SORCS3: variants seen among roughly 807,000 people sequenced by gnomAD.
SORCS3 encodes the protein VPS10 domain-containing receptor SorCS3.
In SORCS3, 57 loss-of-function variants were observed where a neutral mutation model predicts 146.3. The observed-to-expected ratio is 0.39, with a 90% confidence interval of 0.31 to 0.49. SORCS3 has a LOEUF of 0.49. Among genes scored for constraint, SORCS3 ranks in the 20% least tolerant of loss-of-function variants. The pLI is 0.92. For synonymous variants in SORCS3, 653 were observed against 618.5 expected (o/e 1.06, Z -0.83); for missense variants, 1,341 against 1,575.5 (o/e 0.85, Z 2.52).
intron 5 of SORCS3, among the ~76,000 whole-genome samples, chr10:105,073,046 T>C (rs989171930): frequency 2.6e-5 from 4 of 152,152 alleles, no homozygotes; most frequent in African/African-American, 9.7e-5. Context: ...TATTGGGTAG[T>C]GGGGCCAGGA....
At chr10:105,157,979 T>C (rs2056226666) in intron 10 of SORCS3, among the ~76,000 whole-genome samples, 1 of 152,260 alleles carries the variant, frequency 6.6e-6, no homozygotes, top group African/African-American at 2.4e-5. Context: ...GAAAGATTTA[T>C]TAACCACTTA....
At chr10:104,798,868 A>C (rs908548881) in intron 1 of SORCS3, among the ~76,000 whole-genome samples, 5 of 152,204 alleles carry the variant, frequency 3.3e-5, no homozygotes, top group Non-Finnish European at 5.9e-5. Flanking sequence ...AAACAACCCC[A>C]TTAAAAAATG....
At chr10:105,028,866 G>A (rs2055247072) in intron 4 of SORCS3, among the ~76,000 whole-genome samples, 1 of 152,166 alleles carries the variant, frequency 6.6e-6, no homozygotes, top group Non-Finnish European at 1.5e-5. Context: ...TCCACTGTCA[G>A]CAGCCCTTAA....
At chr10:105,066,059 A>G (rs1288090867) in intron 5 of SORCS3, among the ~76,000 whole-genome samples, 1 of 152,214 alleles carries the variant, frequency 6.6e-6, no homozygotes, top group East Asian at 1.9e-4. Flanking sequence ...AACTGCTGTT[A>G]TGGATGGTCC....
intron 5 of SORCS3, among the ~76,000 whole-genome samples, chr10:105,085,751 GGTCT>G (rs1319977705): frequency 2.6e-5 from 4 of 152,064 alleles, no homozygotes; most frequent in African/African-American, 7.2e-5. Flanking sequence ...TGTGTCTAGT[GGTCT>G]GTCTGTCTCT....
intron 4 of SORCS3, among the ~76,000 whole-genome samples, chr10:105,022,184 A>G (rs1352134414): frequency 6.6e-6 from 1 of 152,178 alleles, no homozygotes; most frequent in Non-Finnish European, 1.5e-5. Context: ...CCCTAATGCA[A>G]ACTATAGACT....
At chr10:104,928,530 A>T (rs17117962) in intron 3 of SORCS3, among the ~76,000 whole-genome samples, 42,623 of 151,078 alleles carry the variant, frequency 0.28, 7,827 homozygotes, top group African/African-American at 0.53. Context: ...AAATGACTCG[A>T]TTTTTTTTTC....
intron 2 of SORCS3, among the ~76,000 whole-genome samples, chr10:104,871,205 T>C (rs1204842217): frequency 6.6e-6 from 1 of 152,128 alleles, no homozygotes; most frequent in Non-Finnish European, 1.5e-5. Flanking sequence ...AGGTGAGTAT[T>C]TGAACTATAT....
chr10:105,039,375 A>T (rs1307044913), intron 4 of SORCS3, among the ~76,000 whole-genome samples: 1 of 152,076 alleles, frequency 6.6e-6, no homozygotes, highest in Non-Finnish European at 1.5e-5. Context: ...AGAGCTGAAA[A>T]AGCAAAACCA....
At chr10:105,028,130 T>C (rs2055242888) in intron 4 of SORCS3, among the ~76,000 whole-genome samples, 2 of 152,194 alleles carry the variant, frequency 1.3e-5, no homozygotes, top group African/African-American at 4.8e-5. Context: ...GTGTATTTGC[T>C]TACTTACGTA....
chr10:104,752,196 T>G (rs2496038), intron 1 of SORCS3, among the ~76,000 whole-genome samples: 120,303 of 150,874 alleles, frequency 0.8, 48,254 homozygotes, highest in East Asian at 0.94. Flanking sequence ...CACCATGCTG[T>G]CTATTTTTTT....
intron 3 of SORCS3, among the ~76,000 whole-genome samples, chr10:104,917,864 T>C (rs2019048637): frequency 6.6e-6 from 1 of 152,236 alleles, no homozygotes; most frequent in Admixed American, 6.5e-5. Flanking sequence ...ACGTACCACA[T>C]TTTCTTCATT....
intron 6 of SORCS3, among the ~76,000 whole-genome samples, chr10:105,103,938 T>A (rs1428755975): frequency 1.3e-5 from 2 of 152,202 alleles, no homozygotes; most frequent in Admixed American, 1.3e-4. Context: ...GGAAAATCTC[T>A]AATTCACTGC....
At chr10:104,683,168 A>G (rs183522084) in intron 1 of SORCS3, among the ~76,000 whole-genome samples, 68 of 152,310 alleles carry the variant, frequency 4.5e-4, no homozygotes, top group African/African-American at 1.4e-3. Context: ...TCAAGGTAAC[A>G]TTGGACCTGG....
intron 1 of SORCS3, among the ~76,000 whole-genome samples, chr10:104,773,132 G>T (rs1175906393): frequency 6.6e-6 from 1 of 152,214 alleles, no homozygotes; most frequent in Non-Finnish European, 1.5e-5. Flanking sequence ...CAGGGGAGCA[G>T]CACACATGTG....
chr10:104,949,134 C>G (rs17118031), intron 3 of SORCS3, among the ~76,000 whole-genome samples: 20,212 of 151,930 alleles, frequency 0.13, 1,510 homozygotes, highest in South Asian at 0.31. Flanking sequence ...TCAATAGGTC[C>G]CATCAGCACA....
chr10:104,897,082 G>A (rs2018805706), intron 2 of SORCS3, among the ~76,000 whole-genome samples: 1 of 152,128 alleles, frequency 6.6e-6, no homozygotes, highest in South Asian at 2.1e-4. Context: ...GGGCAGGTCA[G>A]TTCATTTAAT....
intron 2 of SORCS3, among the ~76,000 whole-genome samples, chr10:104,850,024 A>G (rs1386150370): frequency 6.6e-6 from 1 of 152,224 alleles, no homozygotes; most frequent in African/African-American, 2.4e-5. Context: ...ACAAAGTACA[A>G]TCTGATTTTC....
chr10:104,713,128 CGT>C (rs5787541), intron 1 of SORCS3, among the ~76,000 whole-genome samples: 142,958 of 150,130 alleles, frequency 0.95, 68,247 homozygotes, highest in East Asian at 1. Flanking sequence ...AGTGTGTGTG[CGT>C]GTGTGTGTGT....
Sources: allele counts gnomAD v4.1 joint callset (sites outside exome capture counted in the v4.1 genomes callset), GRCh38; gene constraint gnomAD v4.1.1; transcripts MANE v1.5; gene names NCBI Gene and HGNC (gene_info 2026-07-23, HGNC 2026-07-21).